Variants in GORASP2 observed in about 807,000 individuals in gnomAD.
The protein encoded by GORASP2 is Golgi reassembly-stacking protein 2.
In GORASP2, 22 loss-of-function variants were observed where a neutral mutation model predicts 45.7. That is an observed-to-expected ratio of 0.48 (90% CI 0.34 to 0.69). The LOEUF (loss-of-function observed/expected upper bound fraction) is 0.69. GORASP2 is among the 30% of genes least tolerant of loss of function. The pLI, the probability that GORASP2 is intolerant of heterozygous loss-of-function variation, is 0.01. For missense variants in GORASP2, 491 were observed against 562.7 expected, an observed-to-expected ratio of 0.87 and a Z score of 1.29; for synonymous variants, 221 against 215.6, an observed-to-expected ratio of 1.02 and a Z score of -0.22.
At chr2:170,955,790 A>T (rs112551727) in intron 6 of GORASP2, among the ~76,000 whole-genome samples, 6 of 152,350 alleles carry the variant, frequency 3.9e-5, no homozygotes, top group African/African-American at 1.4e-4. Flanking sequence ...AGTGACTAGC[A>T]GCTGGGCAAA....
At chr2:170,960,685 G>C (rs909901332) in intron 7 of GORASP2, among the ~76,000 whole-genome samples, 22 of 152,234 alleles carry the variant, frequency 1.4e-4, no homozygotes, top group Admixed American at 3.9e-4. Context: ...TTGGTACAGA[G>C]TAGAGAACAG....
At chr2:170,930,961 AGTGTT>A in intron 1 of GORASP2, among the ~76,000 whole-genome samples, 1 of 113,180 alleles carries the variant, frequency 8.8e-6, no homozygotes, top group African/African-American at 3.0e-5. Flanking sequence ...AAAACACATT[AGTGTT>A]AATAAGCAAA....
At position 170,948,334 on chromosome 2, in the gene GORASP2, G is replaced by T; in HGVS notation, c.64-16G>T. 1 of 1,497,704 alleles carries T rather than the reference G, an allele frequency of 6.7e-7. No individual in the cohort carries two copies. The highest frequency in any genetic ancestry group is 9.2e-7 in the Non-Finnish European group (1 of 1,081,910). The allele number at this position is 1,497,704 out of a possible 1,614,324, so 92.8% of individuals were successfully genotyped here. On this transcript the variant is annotated splice_polypyrimidine_tract_variant and intron_variant, in intron 1 of 9. Transcript: ENST00000234160. ...AAGCTTTACATTTTTTATTTTTGTC[G>T]TTTTTGTTTCCGCAGGTACAAGAAA...
At chr2:170,960,871 G>A (rs958254004) in intron 7 of GORASP2, among the ~76,000 whole-genome samples, 8 of 152,178 alleles carry the variant, frequency 5.3e-5, no homozygotes, top group Non-Finnish European at 8.8e-5. Context: ...ATTTATTCCC[G>A]CTACCATATG....
At chr2:170,950,862 G>C (rs1704284221) in intron 4 of GORASP2, among the ~76,000 whole-genome samples, 1 of 152,066 alleles carries the variant, frequency 6.6e-6, no homozygotes. Flanking sequence ...CATGCCTATA[G>C]TCCCAGCTAC....
At chr2:170,936,467 G>A (rs758972860) in intron 1 of GORASP2, among the ~76,000 whole-genome samples, 48 of 151,990 alleles carry the variant, frequency 3.2e-4, no homozygotes, top group Non-Finnish European at 5.4e-4. Context: ...CGATCCTCTC[G>A]TCTTGGCTTC....
intron 6 of GORASP2, among the ~76,000 whole-genome samples, chr2:170,955,440 T>C (rs145802635): frequency 4.6e-5 from 7 of 152,332 alleles, no homozygotes; most frequent in Admixed American, 2.6e-4. Flanking sequence ...TAAGAGATAC[T>C]TGAGCAGGCT....
intron 1 of GORASP2, 134 bp from the exon 2 acceptor site, chr2:170,948,211 TGAAGA>T (rs1167125553): frequency 4.8e-6 from 3 of 624,754 alleles, no homozygotes; most frequent in Non-Finnish European, 8.5e-6. Flanking sequence ...CTGGGAGAGA[TGAAGA>T]GAAATGAGAG....
intron 5 of GORASP2, 134 bp downstream of exon 5, chr2:170,951,592 T>G (rs1437025276): frequency 2.8e-6 from 2 of 706,040 alleles, no homozygotes; most frequent in African/African-American, 1.8e-5. Context: ...AGGGAAGAGC[T>G]AGTCTAGAAT....
intron 8 of GORASP2, among the ~76,000 whole-genome samples, chr2:170,962,421 G>A (rs1704584047): frequency 6.6e-6 from 1 of 152,182 alleles, no homozygotes; most frequent in African/African-American, 2.4e-5. Flanking sequence ...TTTTGCAACT[G>A]TAAGTCTGCA....
chr2:170,941,799 A>G (rs548733626), intron 1 of GORASP2, among the ~76,000 whole-genome samples: 56 of 152,278 alleles, frequency 3.7e-4, no homozygotes, highest in African/African-American at 1.3e-3. Context: ...GGGCTTTTAT[A>G]AATAGTGCTA....
rs910009761 is a variant in GORASP2, at chr2:170,966,498, C to T, written c.*368C>T. The T allele has an allele frequency of 3.1e-5, 9 of 293,578 alleles. No homozygotes were observed. Among genetic ancestry groups the T allele is most frequent in the Admixed American group, 1.5e-4 (3 of 20,146 alleles). 18.2% of individuals were successfully genotyped at this position (293,578 alleles called of 1,614,324 possible). ...CCGTAAGAAAATGAAATATTCTATG[C>T]CTAATACTCACACGCAACATTTCTT... is the stretch of plus-strand genomic sequence containing the variant. On this transcript the variant is annotated 3_prime_UTR_variant, in exon 10 of 10. Coordinates refer to ENST00000234160, the MANE Select transcript of GORASP2 (RefSeq NM_015530.5).
In GORASP2 at chr2:170,948,358, A is replaced by T; in HGVS notation, c.72A>T (p.Glu24Asp). The change falls in exon 2 of 10, where the codon GAA becomes GAT. Residue 24 changes from glutamate to aspartate, a missense_variant. Transcript: ENST00000234160. The part of the protein sequence containing the change: ...TEGYHVLRVQ[E>D]NSPGHRAGLE... Reference sequence around the variant, plus strand: ...CGTTTTTGTTTCCGCAGGTACAAGAAAATTCCCCAGGACACAGAGCTGGTT... The same window carrying T: ...CGTTTTTGTTTCCGCAGGTACAAGATAATTCCCCAGGACACAGAGCTGGTT... 6.3e-7 allele frequency: 1 copy of T among 1,593,226 alleles called. No homozygotes were observed. Among genetic ancestry groups the T allele is most frequent in the Non-Finnish European group, 8.6e-7 (1 of 1,163,754 alleles).
chr2:170,961,715 T>C lies in GORASP2; in HGVS notation c.876T>C (p.Ser292=). The C allele has an allele frequency of 6.2e-7, 1 of 1,600,884 alleles. No homozygotes were observed. Among genetic ancestry groups the C allele is most frequent in the South Asian group, 1.1e-5 (1 of 90,816 alleles). ...CACAAGTAAACCAGTCCCTCACTTC[T>C]GTGCCACCAATGAATCCAGCTACTA... ...LPPQVNQSLT[S]VPPMNPATTL... The change falls in exon 8 of 10, where the codon TCT becomes TCC. Residue 292 remains serine, a synonymous_variant. Transcript: ENST00000234160.
At chr2:170,952,878 G>C (rs1403297794) in intron 5 of GORASP2, among the ~76,000 whole-genome samples, 1 of 152,138 alleles carries the variant, frequency 6.6e-6, no homozygotes, top group Non-Finnish European at 1.5e-5. Flanking sequence ...GCCTTGCTTT[G>C]TTTCCCAGGC....
intron 1 of GORASP2, among the ~76,000 whole-genome samples, chr2:170,939,076 C>G (rs965005841): frequency 3.9e-5 from 6 of 152,036 alleles, no homozygotes; most frequent in Admixed American, 2.6e-4. Context: ...GAAACAAATC[C>G]CTAAGTTATT....
intron 1 of GORASP2, among the ~76,000 whole-genome samples, chr2:170,947,947 C>T (rs1216255208): frequency 2.0e-5 from 3 of 151,970 alleles, no homozygotes; most frequent in Admixed American, 6.6e-5. Context: ...AAGGCGAAAC[C>T]CTGTCTCTAC....
chr2:170,934,448 T>C (rs527885514), intron 1 of GORASP2, among the ~76,000 whole-genome samples: 17 of 151,754 alleles, frequency 1.1e-4, no homozygotes. Flanking sequence ...TTAGTAGAGG[T>C]GGGGTTTCAC....
chr2:170,941,822 T>C (rs1704083439), intron 1 of GORASP2, among the ~76,000 whole-genome samples: 1 of 152,184 alleles, frequency 6.6e-6, no homozygotes, highest in South Asian at 2.1e-4. Context: ...ATCAACATTA[T>C]AGTGTATTGC....
Sources: gnomAD v4.1 joint callset for allele counts (sites outside exome capture counted in the v4.1 genomes callset) on GRCh38, gnomAD v4.1.1 for gene constraint, MANE v1.5 for transcripts, NCBI Gene and HGNC (gene_info 2026-07-23, HGNC 2026-07-21) for gene names.